KAZN: variants seen among roughly 807,000 people sequenced by gnomAD.
KAZN encodes kazrin.
Under a neutral mutation model 87.4 loss-of-function variants are expected in KAZN, and 40 were observed. The ratio of observed to expected loss-of-function variants is 0.46; its 90% confidence interval spans 0.36 to 0.60. The LOEUF is 0.60. Among genes scored for constraint, KAZN ranks in the 20% least tolerant of loss-of-function variants. The pLI is 0.00. For missense variants in KAZN, 898 were observed against 1,073.9 expected (o/e 0.84, Z 2.29); for synonymous variants, 466 against 458.3 (o/e 1.02, Z -0.22).
chr1:14,646,028 T>A (rs1420260187), intron 1 of KAZN, among the ~76,000 whole-genome samples: 3 of 152,106 alleles, frequency 2.0e-5, no homozygotes, highest in Admixed American at 6.5e-5. Flanking sequence ...GTTCCATGTA[T>A]ATGGCATTCT....
chr1:15,078,337 G>A (rs1036797896), intron 8 of KAZN, among the ~76,000 whole-genome samples: 5 of 152,000 alleles, frequency 3.3e-5, no homozygotes, highest in Non-Finnish European at 5.9e-5. Flanking sequence ...CCTAGGAAGC[G>A]GATGTTGCAG....
intron 1 of KAZN, chr1:14,924,108 G>C: frequency 1.0e-6 from 1 of 982,120 alleles, no homozygotes; most frequent in Non-Finnish European, 1.2e-6. Flanking sequence ...GAAGGAGCGG[G>C]AGGAGGAGCC....
intron 2 of KAZN, among the ~76,000 whole-genome samples, chr1:14,427,513 AACACACAC>A (rs141037257): frequency 6.7e-6 from 1 of 150,300 alleles, no homozygotes; most frequent in African/African-American, 2.4e-5. Context: ...CTATAATTTA[AACACACAC>A]ACACACACAC....
At chr1:14,048,412 C>CT (rs1642170335) in intron 1 of KAZN, among the ~76,000 whole-genome samples, 3 of 132,064 alleles carry the variant, frequency 2.3e-5, no homozygotes, top group Non-Finnish European at 5.0e-5. Flanking sequence ...TTTTTTTTTC[C>CT]TTTTTTTCTG....
intron 2 of KAZN, among the ~76,000 whole-genome samples, chr1:14,333,950 C>T (rs1657035055): frequency 6.6e-6 from 1 of 152,130 alleles, no homozygotes; most frequent in Non-Finnish European, 1.5e-5. Context: ...ACCCAGGTCA[C>T]ATAGGAGGCG....
chr1:14,045,280 G>C (rs1642017473), intron 1 of KAZN, among the ~76,000 whole-genome samples: 1 of 152,208 alleles, frequency 6.6e-6, no homozygotes, highest in African/African-American at 2.4e-5. Flanking sequence ...AATGTATCCA[G>C]TGGCTTCAGT....
chr1:15,018,356 C>T (rs80309936), intron 2 of KAZN, among the ~76,000 whole-genome samples: 3,686 of 152,052 alleles, frequency 0.024, 168 homozygotes, highest in African/African-American at 0.083. Context: ...ACTCTCGCAC[C>T]CCTCCAATTA....
intron 2 of KAZN, among the ~76,000 whole-genome samples, chr1:14,233,244 G>T (rs1279208630): frequency 6.6e-6 from 1 of 152,024 alleles, no homozygotes. Flanking sequence ...TGATCCTTCT[G>T]CCTCAGCCTC....
chr1:14,279,516 C>T (rs562299951), intron 2 of KAZN, among the ~76,000 whole-genome samples: 3 of 152,322 alleles, frequency 2.0e-5, no homozygotes, highest in Admixed American at 2.0e-4. Flanking sequence ...GCAGACATCT[C>T]TTGTTAGTGC....
At chr1:13,962,821 G>T (rs937015384) in intron 1 of KAZN, among the ~76,000 whole-genome samples, 3 of 152,174 alleles carry the variant, frequency 2.0e-5, no homozygotes, top group Non-Finnish European at 4.4e-5. Flanking sequence ...GCCTCCCAAA[G>T]TGCTGGGATT....
At chr1:13,908,749 C>G (rs1639538863) in intron 1 of KAZN, among the ~76,000 whole-genome samples, 1 of 152,172 alleles carries the variant, frequency 6.6e-6, no homozygotes, top group South Asian at 2.1e-4. Flanking sequence ...GGGTCATAAA[C>G]TTCTCAAGTG....
At chr1:14,699,517 A>T (rs891033245) in intron 1 of KAZN, among the ~76,000 whole-genome samples, 1 of 152,238 alleles carries the variant, frequency 6.6e-6, no homozygotes, top group African/African-American at 2.4e-5. Flanking sequence ...TGGGACAGGG[A>T]CATACCATCC....
intron 1 of KAZN, among the ~76,000 whole-genome samples, chr1:14,837,866 G>A (rs1304758274): frequency 6.6e-6 from 1 of 152,150 alleles, no homozygotes; most frequent in African/African-American, 2.4e-5. Context: ...ATATTCTTTT[G>A]TGTGAATATA....
At chr1:15,058,891 A>T (rs1257647976) in intron 5 of KAZN, among the ~76,000 whole-genome samples, 2 of 151,960 alleles carry the variant, frequency 1.3e-5, no homozygotes, top group African/African-American at 4.8e-5. Context: ...TGGTGGTGGC[A>T]GATGCCTGTA....
At chr1:14,834,356 C>CTTT (rs34228625) in intron 1 of KAZN, among the ~76,000 whole-genome samples, 17 of 88,652 alleles carry the variant, frequency 1.9e-4, no homozygotes, top group African/African-American at 3.1e-4. Flanking sequence ...AAGTCACTTC[C>CTTT]TTTTTTTTTT....
intron 1 of KAZN, among the ~76,000 whole-genome samples, chr1:13,915,673 A>G (rs1639825692): frequency 6.6e-6 from 1 of 152,204 alleles, no homozygotes; most frequent in East Asian, 1.9e-4. Context: ...TTCCAGATGA[A>G]GGAGGAAGCA....
At chr1:14,750,964 C>T (rs1178508299) in intron 1 of KAZN, among the ~76,000 whole-genome samples, 1 of 152,200 alleles carries the variant, frequency 6.6e-6, no homozygotes, top group Non-Finnish European at 1.5e-5. Context: ...AAGGGCTGAT[C>T]ACTGTAGGGC....
At chr1:13,923,798 G>C (rs1640164428) in intron 1 of KAZN, among the ~76,000 whole-genome samples, 1 of 151,648 alleles carries the variant, frequency 6.6e-6, no homozygotes, top group East Asian at 1.9e-4. Flanking sequence ...TATATGCTAT[G>C]TAAGTGGACC....
chr1:14,531,229 T>G (rs556079046), intron 2 of KAZN, among the ~76,000 whole-genome samples: 12 of 152,310 alleles, frequency 7.9e-5, no homozygotes, highest in African/African-American at 2.9e-4. Flanking sequence ...TTATGGAAAC[T>G]TCTATGAGCA....
Sources: gnomAD v4.1 joint callset for allele counts (sites outside exome capture counted in the v4.1 genomes callset) on GRCh38, gnomAD v4.1.1 for gene constraint, MANE v1.5 for transcripts, NCBI Gene and HGNC (gene_info 2026-07-23, HGNC 2026-07-21) for gene names.